The following LMBRD2 variants were observed in gnomAD, a reference collection of about 807,000 sequenced individuals.
The protein encoded by LMBRD2 is LMBR1 domain containing 2.
A neutral mutation model predicts 94.4 loss-of-function variants in LMBRD2; 55 were observed. The ratio of observed to expected loss-of-function variants is 0.58; its 90% CI spans 0.47 to 0.73. The LOEUF is 0.73. Ranked by LOEUF, LMBRD2 falls within the 30% of genes least tolerant of loss-of-function variation. The pLI is 0.00. For synonymous variants in LMBRD2, 246 were observed against 272.4 expected, an observed-to-expected ratio of 0.90 and a Z score of 0.95; for missense variants, 640 against 831.9, an observed-to-expected ratio of 0.77 and a Z score of 2.84.
rs1212740115 is a variant in LMBRD2, at chr5:36,124,610, A to G, written c.748-345T>C. ...ATGTTCCTCTGCCTTACTCACCAAGATCAATGATCTCATTATATAAAATAC... is the reference window on the plus strand; with the variant it reads ...ATGTTCCTCTGCCTTACTCACCAAGGTCAATGATCTCATTATATAAAATAC... On this transcript the variant is annotated intron_variant, in intron 6 of 17. Transcript: ENST00000296603. Among the ~76,000 whole-genome samples, 3 of 152,238 alleles carry G rather than the reference A, an allele frequency of 2.0e-5. No individual in the cohort carries two copies. In the East Asian group the frequency reaches 5.8e-4, roughly 29 times the overall value.
chr5:36,124,312 C>G lies in LMBRD2; in HGVS notation c.748-47G>C, dbSNP rs201760679. On this transcript the variant is annotated intron_variant, in intron 6 of 17. Transcript: ENST00000296603. ...TAAAAATATTTCCATTTCTACAGAT[C>G]ACATATTCCAAATGAGAATGCATTA... 480 of 1,130,536 alleles carry G rather than the reference C, an allele frequency of 4.2e-4. 1 individual carries two copies. The highest frequency in any genetic ancestry group is 3.1e-4 in the Non-Finnish European group (235 of 761,204). 70.0% of individuals were successfully genotyped at this position (1,130,536 alleles called of 1,614,324 possible). A position where few individuals can be genotyped will look rare whatever the true frequency, so the allele number is the denominator to read the frequency against.
chr5:36,128,219 T>TA (rs1472597375), intron 6 of LMBRD2, among the ~76,000 whole-genome samples: 1 of 152,188 alleles, frequency 6.6e-6, no homozygotes, highest in East Asian at 1.9e-4. Context: ...TGTCCCCTAA[T>TA]ATAGATACAG....
intron 3 of LMBRD2, among the ~76,000 whole-genome samples, chr5:36,141,715 A>G (rs942614434): frequency 6.6e-6 from 1 of 152,126 alleles, no homozygotes; most frequent in African/African-American, 2.4e-5. Context: ...GCAATTATAC[A>G]TAATTCTGTT....
At position 36,148,653 on chromosome 5, in the gene LMBRD2, G is replaced by A. The variant is rs1004324156; in HGVS notation, c.-58+2903C>T. ...ACAACCTAGTAAGAAAGGGCTGTTC[G>A]TTTCCTTGCTTAACAGAAAAAAAAC... On this transcript the variant is annotated intron_variant, in intron 1 of 17. Coordinates refer to ENST00000296603, the MANE Select transcript of LMBRD2 (RefSeq NM_001007527.2). Among the ~76,000 whole-genome samples, 4 of 152,088 alleles carry A rather than the reference G, an allele frequency of 2.6e-5. No homozygotes were observed. The South Asian group carries it at 8.3e-4, about 31-fold the overall frequency.
At chr5:36,114,938 A>T (rs1743703665) in intron 12 of LMBRD2, 77 bp downstream of exon 12, 1 of 947,546 alleles carries the variant, frequency 1.1e-6, no homozygotes. Flanking sequence ...TTCTGCTGGC[A>T]TTAAAAGAAA....
rs891813655 is a variant in LMBRD2, at chr5:36,100,532, A to C, written c.*3514T>G. Reference sequence around the variant, plus strand: ...CATGCTATAAACATAGGCCTCAGAAAGGAAGAAAGGTATAAAGGAATGAGA... The same window carrying C: ...CATGCTATAAACATAGGCCTCAGAACGGAAGAAAGGTATAAAGGAATGAGA... On this transcript the variant is annotated 3_prime_UTR_variant, in exon 18 of 18. Coordinates refer to ENST00000296603, the MANE Select transcript of LMBRD2 (RefSeq NM_001007527.2). 1 of 152,160 alleles carries C rather than the reference A, an allele frequency of 6.6e-6. No individual in the cohort carries two copies. Among genetic ancestry groups the C allele is most frequent in the African/African-American group, 2.4e-5 (1 of 41,456 alleles). The allele number at this position is 152,160 out of a possible 1,614,324, so 9.4% of individuals were successfully genotyped here.
chr5:36,141,065 T>C, intron 4 of LMBRD2, 42 bp downstream of exon 4: 1 of 1,098,022 alleles, frequency 9.1e-7, no homozygotes, highest in East Asian at 2.4e-5. Context: ...TTTTATTCCT[T>C]TAGCCAAAAT....
chr5:36,136,969 T>C (rs1305432540), intron 5 of LMBRD2, among the ~76,000 whole-genome samples: 1 of 152,030 alleles, frequency 6.6e-6, no homozygotes, highest in Admixed American at 6.5e-5. Context: ...CAATGAAAAA[T>C]AAAACCAGTT....
chr5:36,123,445 T>C (rs1462247506), intron 7 of LMBRD2, among the ~76,000 whole-genome samples: 1 of 152,096 alleles, frequency 6.6e-6, no homozygotes, highest in Non-Finnish European at 1.5e-5. Context: ...CCTCTCTTAG[T>C]AGTTCTCAAA....
rs1372414750 is a variant in LMBRD2, at chr5:36,101,764, A to G, written c.*2282T>C. ...ACTGAAACAACCAAATATTTTAAAT[A>G]TAACTTGAAAGTCATAAAGGAATCT... is the stretch of plus-strand genomic sequence containing the variant. On this transcript the variant is annotated 3_prime_UTR_variant, in exon 18 of 18. Transcript: ENST00000296603. 1.3e-5 allele frequency: 2 copies of G among 151,918 alleles called. No individual in the cohort carries two copies. The highest frequency in any genetic ancestry group is 4.8e-5 in the African/African-American group (2 of 41,434). 9.4% of individuals were successfully genotyped at this position (151,918 alleles called of 1,614,324 possible).
intron 3 of LMBRD2, among the ~76,000 whole-genome samples, chr5:36,141,746 G>A (rs544637996): frequency 1.1e-4 from 17 of 152,192 alleles, no homozygotes; most frequent in Non-Finnish European, 2.2e-4. Flanking sequence ...AAGACATGAT[G>A]AGTCTCTGAT....
In LMBRD2 at chr5:36,101,474, AG is replaced by A. The variant is rs2111830295; in HGVS notation, c.*2571del. ...TTTAAGAAATGTACTTTGCATGTAAAGTATATGTATTTAGTAGTCCTATTTT... is the reference window on the plus strand; with the variant it reads ...TTTAAGAAATGTACTTTGCATGTAAATATATGTATTTAGTAGTCCTATTTT... On this transcript the variant is annotated 3_prime_UTR_variant, in exon 18 of 18. Transcript: ENST00000296603. The A allele has an allele frequency of 6.6e-6, 1 of 152,092 alleles. No individual in the cohort carries two copies. The highest frequency in any genetic ancestry group is 2.1e-4 in the South Asian group (1 of 4,826). The allele number at this position is 152,092 out of a possible 1,614,324, so 9.4% of individuals were successfully genotyped here.
At chr5:36,142,885 C>G (rs535652723) in intron 2 of LMBRD2, 1 of 374,366 alleles carries the variant, frequency 2.7e-6, no homozygotes, top group Non-Finnish European at 4.9e-6. Context: ...CCACCACGTC[C>G]GGCTATTTTT....
intron 16 of LMBRD2, among the ~76,000 whole-genome samples, chr5:36,105,945 A>G (rs1214382739): frequency 6.6e-6 from 1 of 152,196 alleles, no homozygotes; most frequent in African/African-American, 2.4e-5. Context: ...GCTTTATGCT[A>G]TAGTTCTTTC....
At position 36,146,929 on chromosome 5, in the gene LMBRD2, TGTGTGTGTGTGA is replaced by T. The variant is rs1485768231; in HGVS notation, c.-57-3535_-57-3524del. Among the ~76,000 whole-genome samples, 1,018 of 125,438 alleles carry T rather than the reference TGTGTGTGTGTGA, an allele frequency of 8.1e-3. 15 individuals carry two copies. The highest frequency in any genetic ancestry group is 0.041 in the African/African-American group (915 of 22,238). 82.3% of individuals were successfully genotyped at this position (125,438 alleles called of 152,430 possible). On this transcript the variant is annotated intron_variant, in intron 1 of 17. Coordinates refer to ENST00000296603, the MANE Select transcript of LMBRD2 (RefSeq NM_001007527.2). ...ACTCACTTCTCTCTCTGCGTGTGTG[TGTGTGTGTGTGA>T]GTGTGTGTGTGTGTGTGTGTGTGTG...
chr5:36,128,181 A>C (rs1431765948), intron 6 of LMBRD2, among the ~76,000 whole-genome samples: 1 of 152,232 alleles, frequency 6.6e-6, no homozygotes, highest in Admixed American at 6.5e-5. Context: ...CCAAGTTTGC[A>C]AGAACCACAG....
In LMBRD2 at chr5:36,122,886, A is replaced by T. The variant is rs1350531462; in HGVS notation, c.898T>A (p.Tyr300Asn). Residue 300 changes from tyrosine to asparagine, a missense_variant, in exon 8 of 18, where the codon TAT becomes AAT. Coordinates refer to ENST00000296603, the MANE Select transcript of LMBRD2 (RefSeq NM_001007527.2). The part of the protein sequence containing the change: ...YEDFDEKHSI[Y>N]PSEKSLVKLH... ...TTTACCAGACTTTTTTCACTTGGAT[A>T]GATACTATGCTTTTCATCAAAATCT... 4 of 1,597,574 alleles carry T rather than the reference A, an allele frequency of 2.5e-6. No homozygotes were observed. The highest frequency in any genetic ancestry group is 3.4e-6 in the Non-Finnish European group (4 of 1,174,808).
Position 36,117,978 on chromosome 5 carries a change from T to C in LMBRD2, c.1121-62A>G, listed in dbSNP as rs1743799123. 3 of 1,246,844 alleles carry C rather than the reference T, an allele frequency of 2.4e-6. No individual in the cohort carries two copies. The African/African-American group carries it at 4.6e-5, about 19-fold the overall frequency. 77.2% of individuals were successfully genotyped at this position (1,246,844 alleles called of 1,614,324 possible). On this transcript the variant is annotated intron_variant, in intron 9 of 17. Coordinates refer to ENST00000296603, the MANE Select transcript of LMBRD2 (RefSeq NM_001007527.2). Reference sequence around the variant, plus strand: ...CAAAAGAGTAATGGGATATTTACATTGTTTCAAAATAGCTCCTAATAAGAT... The same window carrying C: ...CAAAAGAGTAATGGGATATTTACATCGTTTCAAAATAGCTCCTAATAAGAT...
rs971979462 is a variant in LMBRD2, at chr5:36,151,585, C to T, written c.-87G>A. On this transcript the variant is annotated 5_prime_UTR_variant, in exon 1 of 18. The change creates a new upstream start codon in the 5' untranslated region. Transcript: ENST00000296603. The surrounding 1 kb of genome is among the most constrained non-coding windows in gnomAD (Gnocchi z 4.7). Reference sequence around the variant, plus strand: ...CCGGCGGGCTGGGCTACTGTCACCACTCAGCAGCCAAGGACTTGGGCCCCG... The same window carrying T: ...CCGGCGGGCTGGGCTACTGTCACCATTCAGCAGCCAAGGACTTGGGCCCCG... 6.5e-6 allele frequency: 1 copy of T among 152,774 alleles called. No homozygotes were observed. The highest frequency in any genetic ancestry group is 1.5e-5 in the Non-Finnish European group (1 of 68,380). 9.5% of individuals were successfully genotyped at this position (152,774 alleles called of 1,614,324 possible).
Sources: gnomAD v4.1 joint callset for allele counts (sites outside exome capture counted in the v4.1 genomes callset) on GRCh38, gnomAD v4.1.1 for gene constraint, Gnocchi (gnomAD v3.1) non-coding constraint, MANE v1.5 for transcripts, NCBI Gene and HGNC (gene_info 2026-07-23, HGNC 2026-07-21) for gene names.